CCDC187: variants seen among roughly 807,000 people sequenced by gnomAD.
CCDC187 encodes coiled-coil domain containing 187, also known as coiled-coil domain-containing protein 187.
CCDC187 carries 32 observed loss-of-function variants against 38.0 expected under a neutral mutation model. The observed-to-expected ratio is 0.84, with a 90% CI of 0.64 to 1.13. The LOEUF (loss-of-function observed/expected upper bound fraction) is 1.13. Ranked by LOEUF, CCDC187 falls within the 50% of genes most tolerant of loss-of-function variation. The pLI is 0.00. For missense variants in CCDC187, 707 were observed against 786.8 expected, an observed-to-expected ratio of 0.90 and a Z score of 1.21; for synonymous variants, 333 against 347.9, an observed-to-expected ratio of 0.96 and a Z score of 0.48.
At chr9:136,297,150 G>A (rs991971557) in intron 4 of CCDC187, among the ~76,000 whole-genome samples, 5 of 152,196 alleles carry the variant, frequency 3.3e-5, no homozygotes, top group East Asian at 1.9e-4. Flanking sequence ...TGCAGGTGGC[G>A]TGAGCTGCAG....
intron 5 of CCDC187, 37 bp downstream of exon 5, chr9:136,292,123 GC>G: frequency 2.5e-6 from 1 of 398,740 alleles, no homozygotes; most frequent in African/African-American, 2.1e-5. Flanking sequence ...AGATGCCACA[GC>G]AGAGCAGGAC....
intron 3 of CCDC187, among the ~76,000 whole-genome samples, chr9:136,299,584 G>A (rs914808014): frequency 2.4e-4 from 37 of 152,170 alleles, no homozygotes; most frequent in Non-Finnish European, 4.6e-4. Context: ...CCCAGCTCAC[G>A]GCCATTCCCT....
At position 136,291,487 on chromosome 9, in the gene CCDC187, G is replaced by A. The variant is rs1831329197; in HGVS notation, c.1126C>T (p.Gln376Ter). Residue 376 changes from glutamine to a stop codon, truncating the protein, a stop_gained, in exon 6 of 26, where the codon CAA (glutamine) becomes TAA (stop). Coordinates refer to ENST00000638797, the MANE Select transcript of CCDC187 (RefSeq NM_001378188.1). LOFTEE classifies it high-confidence loss of function. ...GCCTGGATTTGCTGGCGCAGGTCTT[G>A]TAGGATGGCCATGGCCGTCTGTATG... ...ATIQTAMAIL[Q>*]DLRQQIQAGL... 2.5e-6 allele frequency: 1 copy of A among 398,776 alleles called. No individual in the cohort carries two copies. Among genetic ancestry groups the A allele is most frequent in the Non-Finnish European group, 4.4e-6 (1 of 226,136 alleles). 24.7% of individuals were successfully genotyped at this position (398,776 alleles called of 1,614,324 possible). A position where few individuals can be genotyped will look rare whatever the true frequency, so the allele number is the denominator to read the frequency against.
chr9:136,250,428 C>T lies in CCDC187; in HGVS notation c.*3166G>A, dbSNP rs1001760359. ...CAGCGAGCCTGGGAGCCATCAGATT[C>T]GCTGCAAATCTGCGGGGCTTCAGTG... On this transcript the variant is annotated 3_prime_UTR_variant, in exon 26 of 26. Coordinates refer to ENST00000638797, the MANE Select transcript of CCDC187 (RefSeq NM_001378188.1). The T allele has an allele frequency of 2.1e-5, 6 of 292,494 alleles. No individual in the cohort carries two copies. Among genetic ancestry groups the T allele is most frequent in the Non-Finnish European group, 2.7e-5 (4 of 149,714 alleles). The allele number at this position is 292,494 out of a possible 1,614,324, so 18.1% of individuals were successfully genotyped here.
At position 136,253,663 on chromosome 9, in the gene CCDC187, G is replaced by A. The variant is rs1830576610; in HGVS notation, c.6165C>T (p.Ser2055=). 2 of 985,554 alleles carry A rather than the reference G, an allele frequency of 2.0e-6. No homozygotes were observed. The highest frequency in any genetic ancestry group is 2.4e-6 in the Non-Finnish European group (2 of 829,988). The allele number at this position is 985,554 out of a possible 1,614,324, so 61.1% of individuals were successfully genotyped here. A position where few individuals can be genotyped will look rare whatever the true frequency, so the allele number is the denominator to read the frequency against. The part of the protein sequence containing the change: ...EDTAITTQDL[S]SLSEESLPEG... Reference sequence around the variant, plus strand: ...CCGGCAGACTCTCCTCAGACAAGGAGGACAAATCCTGGGTGGTGATGGCGG... The same window carrying A: ...CCGGCAGACTCTCCTCAGACAAGGAAGACAAATCCTGGGTGGTGATGGCGG... The change falls in exon 26 of 26, where the codon TCC becomes TCT. Residue 2055 remains serine (S), a synonymous_variant. Coordinates refer to ENST00000638797, the MANE Select transcript of CCDC187 (RefSeq NM_001378188.1).
At chr9:136,300,371 A>G (rs1382740279) in intron 2 of CCDC187, 53 bp from the exon 3 acceptor site, 19 of 398,078 alleles carry the variant, frequency 4.8e-5, no homozygotes, top group Non-Finnish European at 4.4e-6. Flanking sequence ...TCCGCAAAGA[A>G]CTTCCAAGAA....
rs1830533007 is a variant in CCDC187, at chr9:136,251,315, G to T, written c.*2279C>A. 2 of 331,254 alleles carry T rather than the reference G, an allele frequency of 6.0e-6. No homozygotes were observed. Among genetic ancestry groups the T allele is most frequent in the Admixed American group, 4.1e-5 (1 of 24,354 alleles). 20.5% of individuals were successfully genotyped at this position (331,254 alleles called of 1,614,324 possible). On this transcript the variant is annotated 3_prime_UTR_variant, in exon 26 of 26. Coordinates refer to ENST00000638797, the MANE Select transcript of CCDC187 (RefSeq NM_001378188.1). ...GCCTTCCAGGCACAGCAAGTCCTGA[G>T]CATGCTCCAGAAGAGACCTTGGGCC... is the stretch of plus-strand genomic sequence containing the variant.
chr9:136,276,064 G>T (rs1027524256), intron 12 of CCDC187, 130 bp downstream of exon 12: 8 of 152,232 alleles, frequency 5.3e-5, no homozygotes, highest in Admixed American at 1.3e-4. Context: ...CTAGCCTCTG[G>T]CTTGCCTCCT....
rs1321346731 is a variant in CCDC187, at chr9:136,254,220, C to T, written c.5608G>A (p.Ala1870Thr). Residue 1870 changes from alanine to threonine, a missense_variant, in exon 26 of 26, where the codon GCC becomes ACC. Physicochemically the swap from Ala to Thr is moderately conservative, Grantham distance 58 (BLOSUM62 0). Transcript: ENST00000638797. ...GEALQAPPEAAGVVFPLQISS... is the reference protein window; with the variant it reads ...GEALQAPPEATGVVFPLQISS... ...ATTTGCAGCGGGAACACCACACCGG[C>T]GGCCTCAGGGGGTGCCTGGAGGGCT... 1.1e-5 allele frequency: 11 copies of T among 985,510 alleles called. No homozygotes were observed. The highest frequency in any genetic ancestry group is 1.1e-4 in the East Asian group (1 of 8,816). The allele number at this position is 985,510 out of a possible 1,614,324, so 61.0% of individuals were successfully genotyped here. A position where few individuals can be genotyped will look rare whatever the true frequency, so the allele number is the denominator to read the frequency against.
chr9:136,293,302 CAT>C (rs1831399236), intron 4 of CCDC187, among the ~76,000 whole-genome samples: 2 of 151,604 alleles, frequency 1.3e-5, no homozygotes, highest in African/African-American at 4.9e-5. Context: ...CTCACAAACA[CAT>C]GTTCACACAC....
chr9:136,284,674 G>T (rs1019447819), intron 9 of CCDC187, among the ~76,000 whole-genome samples: 93,366 of 150,358 alleles, frequency 0.62, 29,224 homozygotes, highest in Admixed American at 0.66. Context: ...AAGAGCGAGA[G>T]GCCGGCTGGG....
rs1312117854 is a variant in CCDC187 at position 136,258,241 on chromosome 9, A to G, written c.4366+691T>C. Among the ~76,000 whole-genome samples the G allele has an allele frequency of 6.6e-6, 1 of 151,972 alleles. No individual in the cohort carries two copies. The highest frequency in any genetic ancestry group is 1.5e-5 in the Non-Finnish European group (1 of 67,964). ...CTGGGCAGCCCCACAAGTGCTTCTG[A>G]TCTCTTTCCGTCTCAACCCATCTGT... On this transcript the variant is annotated intron_variant, in intron 22 of 25. Transcript: ENST00000638797. This position sits in a 1 kb window ranked among gnomAD's most constrained non-coding sequence, Gnocchi z 4.3.
At chr9:136,271,195 C>T (rs573008675) in intron 14 of CCDC187, among the ~76,000 whole-genome samples, 3 of 152,236 alleles carry the variant, frequency 2.0e-5, no homozygotes, top group African/African-American at 7.2e-5. Context: ...AATGAAAAAT[C>T]CACAGGTCGA....
chr9:136,303,845 G>C lies in CCDC187; in HGVS notation c.-15C>G, dbSNP rs1831751293. 1 of 152,404 alleles carries C rather than the reference G, an allele frequency of 6.6e-6. No individual in the cohort carries two copies. Among genetic ancestry groups the C allele is most frequent in the African/African-American group, 2.4e-5 (1 of 41,460 alleles). The allele number at this position is 152,404 out of a possible 1,614,324, so 9.4% of individuals were successfully genotyped here. A position where few individuals can be genotyped will look rare whatever the true frequency, so the allele number is the denominator to read the frequency against. ...AGGGTCGGCATGGCCGCGGGGCTGA[G>C]GGGAGAGCAGGTGCAAGGTCAACCT... is the stretch of plus-strand genomic sequence containing the variant. On this transcript the variant is annotated 5_prime_UTR_variant, in exon 1 of 26. Transcript: ENST00000638797.
At chr9:136,271,806 A>G (rs1177867897) in intron 14 of CCDC187, among the ~76,000 whole-genome samples, 2 of 151,834 alleles carry the variant, frequency 1.3e-5, no homozygotes, top group African/African-American at 4.8e-5. Context: ...ATGGGGTTTC[A>G]CCATGTTAGC....
intron 20 of CCDC187, 133 bp downstream of exon 20, chr9:136,259,986 C>T (rs937414137): frequency 1.6e-5 from 12 of 758,706 alleles, no homozygotes; most frequent in Admixed American, 6.3e-5. Context: ...CGGGGTGGCC[C>T]GGTCACAGGC....
At chr9:136,283,600 G>C (rs1190603215) in intron 9 of CCDC187, among the ~76,000 whole-genome samples, 1 of 152,246 alleles carries the variant, frequency 6.6e-6, no homozygotes, top group Non-Finnish European at 1.5e-5. Context: ...GGCTGTGGGG[G>C]TGGAGGGCAC....
At chr9:136,273,114 A>G (rs1830867867) in intron 14 of CCDC187, among the ~76,000 whole-genome samples, 1 of 152,240 alleles carries the variant, frequency 6.6e-6, no homozygotes, top group Non-Finnish European at 1.5e-5. Flanking sequence ...AGAAGAAAAT[A>G]AAGGACAGAC....
In CCDC187 at chr9:136,254,724, C is replaced by A. The variant is rs2131102398; in HGVS notation, c.5104G>T (p.Val1702Leu). 3.0e-6 allele frequency: 3 copies of A among 985,552 alleles called. No individual in the cohort carries two copies. Among genetic ancestry groups the A allele is most frequent in the Non-Finnish European group, 3.6e-6 (3 of 830,002 alleles). The allele number at this position is 985,552 out of a possible 1,614,324, so 61.1% of individuals were successfully genotyped here. A position where few individuals can be genotyped will look rare whatever the true frequency, so the allele number is the denominator to read the frequency against. Residue 1702 changes from valine to leucine, a missense_variant, in exon 26 of 26, where the codon GTG (valine) becomes TTG (leucine). By Grantham distance (32) the Val-to-Leu change is conservative (BLOSUM62 1). Transcript: ENST00000638797. ...CGGCCCTGGGGCCTCTGCCAGGTCA[C>A]CCATCCTCCACCCCCAGGAGCACTG... ...PGSAPGGGGW[V>L]TWQRPQGRRA...
Sources: gnomAD v4.1 joint callset for allele counts (sites outside exome capture counted in the v4.1 genomes callset) on GRCh38, gnomAD v4.1.1 for gene constraint, Gnocchi (gnomAD v3.1) non-coding constraint, MANE v1.5 for transcripts, NCBI Gene and HGNC (gene_info 2026-07-23, HGNC 2026-07-21) for gene names.